Variants in ARHGEF37 observed in about 807,000 individuals in gnomAD.
ARHGEF37 encodes Rho guanine nucleotide exchange factor (GEF) 37.
Under a neutral mutation model 71.1 loss-of-function variants are expected in ARHGEF37, and 55 were observed. That is an observed-to-expected ratio of 0.77 (90% CI 0.62 to 0.97). The LOEUF is 0.97. Among genes scored for constraint, ARHGEF37 ranks in the 50% least tolerant of loss-of-function variants. The probability of loss-of-function intolerance (pLI) is 0.00; values close to 1 mark genes in which losing one functional copy is unlikely to be tolerated. For missense variants in ARHGEF37, 765 were observed against 836.8 expected, an observed-to-expected ratio of 0.91 and a Z score of 1.06; for synonymous variants, 327 against 350.6, an observed-to-expected ratio of 0.93 and a Z score of 0.75.
At chr5:149,558,691 ATGTGTGTG>A (rs58959997) in intron 1 of ARHGEF37, among the ~76,000 whole-genome samples, 35,085 of 127,912 alleles carry the variant, frequency 0.27, 5,015 homozygotes, top group East Asian at 0.56. Context: ...CCATATATAT[ATGTGTGTG>A]TGTGTGTGTG....
chr5:149,607,422 T>A (rs563106067), intron 3 of ARHGEF37, among the ~76,000 whole-genome samples: 2 of 152,328 alleles, frequency 1.3e-5, no homozygotes, highest in South Asian at 4.1e-4. Context: ...GACATTCACA[T>A]CTTGCGAAAG....
chr5:149,614,039 C>T (rs965876), intron 4 of ARHGEF37, among the ~76,000 whole-genome samples: 41,025 of 151,732 alleles, frequency 0.27, 6,022 homozygotes, highest in East Asian at 0.44. Context: ...GCTAGGATTA[C>T]AAGCATGAGC....
intron 1 of ARHGEF37, among the ~76,000 whole-genome samples, chr5:149,591,872 G>A (rs544820558): frequency 7.2e-4 from 109 of 152,290 alleles, no homozygotes; most frequent in Admixed American, 2.2e-3. Context: ...TCTAGGCTAA[G>A]CTATGATGTT....
intron 3 of ARHGEF37, among the ~76,000 whole-genome samples, chr5:149,608,794 C>T (rs963337852): frequency 6.6e-6 from 1 of 152,156 alleles, no homozygotes; most frequent in Non-Finnish European, 1.5e-5. Context: ...TCCCTGGAAT[C>T]CAAGCTCACA....
intron 1 of ARHGEF37, among the ~76,000 whole-genome samples, chr5:149,557,865 ATTTTT>A (rs529240803): frequency 7.3e-6 from 1 of 137,098 alleles, no homozygotes; most frequent in African/African-American, 2.7e-5. Context: ...TTACCCAATA[ATTTTT>A]TTTTTTTTTT....
chr5:149,632,439 G>T lies in ARHGEF37; in HGVS notation c.*248G>T. 1.9e-6 allele frequency: 1 copy of T among 519,016 alleles called. No homozygotes were observed. Among genetic ancestry groups the T allele is most frequent in the South Asian group, 2.3e-5 (1 of 43,426 alleles). The allele number at this position is 519,016 out of a possible 1,614,324, so 32.2% of individuals were successfully genotyped here. A position where few individuals can be genotyped will look rare whatever the true frequency, so the allele number is the denominator to read the frequency against. ...CATAAAGAACTCATTCCGACCTGGG[G>T]TCACAATGCACTTGGACAGCAGGTC... On this transcript the variant is annotated 3_prime_UTR_variant, in exon 13 of 13. Transcript: ENST00000333677.
At chr5:149,598,334 TC>T (rs2113307039) in intron 2 of ARHGEF37, among the ~76,000 whole-genome samples, 2 of 113,076 alleles carry the variant, frequency 1.8e-5, no homozygotes, top group East Asian at 5.9e-4. Flanking sequence ...TCTTTCTTCC[TC>T]TTCCTCTTCC....
intron 1 of ARHGEF37, among the ~76,000 whole-genome samples, chr5:149,585,765 T>C (rs1763219078): frequency 6.6e-6 from 1 of 152,220 alleles, no homozygotes; most frequent in South Asian, 2.1e-4. Flanking sequence ...GTGATCCGCC[T>C]GCCTTGGCCT....
chr5:149,589,530 C>T lies in ARHGEF37; in HGVS notation c.-12+7906C>T, dbSNP rs377492639. On this transcript the variant is annotated intron_variant, in intron 1 of 12. Coordinates refer to ENST00000333677, the MANE Select transcript of ARHGEF37 (RefSeq NM_001001669.3). ...TGTTTTGTTTTTGAAACACAGTTTC[C>T]CTCTTGTTGCCCAAGCTGGAATGCA... 2.0e-5 allele frequency among the ~76,000 whole-genome samples: 3 copies of T among 152,078 alleles called. No individual in the cohort carries two copies. The South Asian group carries it at 6.2e-4, about 32-fold the overall frequency.
intron 1 of ARHGEF37, among the ~76,000 whole-genome samples, chr5:149,557,990 C>T (rs543179321): frequency 6.6e-6 from 1 of 151,954 alleles, no homozygotes; most frequent in African/African-American, 2.4e-5. Context: ...CTCTGCCTCC[C>T]AAGTAGCTGG....
chr5:149,574,705 GC>G (rs1763007072), intron 1 of ARHGEF37, among the ~76,000 whole-genome samples: 1 of 152,170 alleles, frequency 6.6e-6, no homozygotes, highest in Non-Finnish European at 1.5e-5. Flanking sequence ...ACAGGTATCA[GC>G]TAGCCCAAAA....
chr5:149,587,043 G>T (rs6867171), intron 1 of ARHGEF37, among the ~76,000 whole-genome samples: 95,235 of 152,078 alleles, frequency 0.63, 32,357 homozygotes, highest in East Asian at 0.99. Flanking sequence ...ACTATTTGTT[G>T]TAATCAAGTG....
chr5:149,604,372 A>C (rs1763844207), intron 3 of ARHGEF37, among the ~76,000 whole-genome samples: 2 of 152,144 alleles, frequency 1.3e-5, no homozygotes, highest in Admixed American at 6.5e-5. Context: ...TACGCTAAAA[A>C]ATTATTCATT....
chr5:149,616,807 G>A, intron 5 of ARHGEF37, 41 bp downstream of exon 5: 1 of 1,522,590 alleles, frequency 6.6e-7, no homozygotes, highest in South Asian at 1.2e-5. Flanking sequence ...TAGTAGGAAT[G>A]CTTCCAGTTA....
rs549612191 is a variant in ARHGEF37 at position 149,596,600 on chromosome 5, C to T, written c.-11-1159C>T. ...GATTACAGGCGTGAGCCACCGCACC[C>T]GGGCCCTTGATACTTTATAAGTTAG... On this transcript the variant is annotated intron_variant, in intron 1 of 12. Transcript: ENST00000333677. Among the ~76,000 whole-genome samples the T allele has an allele frequency of 3.3e-5, 5 of 152,282 alleles. No individual in the cohort carries two copies. In the East Asian group the frequency reaches 5.8e-4, roughly 18 times the overall value.
intron 2 of ARHGEF37, among the ~76,000 whole-genome samples, chr5:149,598,833 T>G (rs1480791936): frequency 6.7e-6 from 1 of 149,960 alleles, no homozygotes; most frequent in Non-Finnish European, 1.5e-5. Context: ...TATATATATA[T>G]GTATATTTAT....
Position 149,627,147 on chromosome 5 carries a change from G to T in ARHGEF37, c.1536G>T (p.Gln512His). Residue 512 changes from glutamine to histidine, a missense_variant, in exon 11 of 13, where the codon CAG (glutamine) becomes CAT (histidine). By Grantham distance (24) the Gln-to-His change is conservative. Coordinates refer to ENST00000333677, the MANE Select transcript of ARHGEF37 (RefSeq NM_001001669.3). ...LSRYGPGKLY[Q>H]VTSNISGTGT... ...GGTATGGCCCTGGGAAGCTGTACCAGGTGACAAGCAACATCAGTGGGACTG... is the reference window on the plus strand; with the variant it reads ...GGTATGGCCCTGGGAAGCTGTACCATGTGACAAGCAACATCAGTGGGACTG... 6.2e-7 allele frequency: 1 copy of T among 1,614,160 alleles called. No homozygotes were observed.
chr5:149,612,873 A>C (rs114633040), intron 4 of ARHGEF37, among the ~76,000 whole-genome samples: 1,864 of 152,324 alleles, frequency 0.012, 39 homozygotes, highest in African/African-American at 0.042. Flanking sequence ...TGGGATTCCA[A>C]AATGCACGCT....
At chr5:149,570,769 G>C (rs1214929005) in intron 1 of ARHGEF37, among the ~76,000 whole-genome samples, 1 of 148,208 alleles carries the variant, frequency 6.7e-6, no homozygotes, top group Non-Finnish European at 1.5e-5. Context: ...CCAGCTACTT[G>C]GGAGGCTGAG....
Sources: gnomAD v4.1 joint callset for allele counts (sites outside exome capture counted in the v4.1 genomes callset) on GRCh38, gnomAD v4.1.1 for gene constraint, MANE v1.5 for transcripts, NCBI Gene and HGNC (gene_info 2026-07-23, HGNC 2026-07-21) for gene names.